Variants in ATRNL1 observed in about 807,000 individuals in gnomAD.
ATRNL1 encodes attractin-like protein 1.
A neutral mutation model predicts 182.7 loss-of-function variants in ATRNL1; 95 were observed. That is an observed-to-expected ratio of 0.52 (90% confidence interval 0.44 to 0.62). The LOEUF is 0.62. Ranked by LOEUF, ATRNL1 falls within the 20% of genes least tolerant of loss-of-function variation. ATRNL1 has a pLI of 0.00. For synonymous variants in ATRNL1, 576 were observed against 568.3 expected, an observed-to-expected ratio of 1.01 and a Z score of -0.19; for missense variants, 1,471 against 1,679.5, an observed-to-expected ratio of 0.88 and a Z score of 2.17.
At chr10:115,454,713 A>G (rs1227345747) in intron 21 of ATRNL1, among the ~76,000 whole-genome samples, 2 of 152,128 alleles carry the variant, frequency 1.3e-5, no homozygotes, top group African/African-American at 4.8e-5. Flanking sequence ...GCTAGTGTAT[A>G]GCAATGCAAC....
intron 1 of ATRNL1, among the ~76,000 whole-genome samples, chr10:115,103,040 G>GTTTTTTTTTTTTTTTTTTTTTTGTT: frequency 7.7e-6 from 1 of 130,352 alleles, no homozygotes; most frequent in Non-Finnish European, 1.6e-5. Context: ...TATTTTTAGT[G>GTTTTTTTTTTTTTTTTTTTTTTGTT]TTTTTTTTTT....
At chr10:115,927,310 G>A (rs1555120567) in intron 28 of ATRNL1, among the ~76,000 whole-genome samples, 1 of 152,062 alleles carries the variant, frequency 6.6e-6, no homozygotes, top group Non-Finnish European at 1.5e-5. Flanking sequence ...CATATTGAAT[G>A]GGCAAAACCT....
chr10:115,328,216 G>C (rs1377004390), intron 18 of ATRNL1, among the ~76,000 whole-genome samples: 3 of 151,926 alleles, frequency 2.0e-5, no homozygotes, highest in Non-Finnish European at 4.4e-5. Flanking sequence ...TGGTAATACA[G>C]AAAAATCTTA....
chr10:115,544,228 A>G (rs1346939701), intron 25 of ATRNL1, among the ~76,000 whole-genome samples: 2 of 152,212 alleles, frequency 1.3e-5, no homozygotes, highest in Non-Finnish European at 2.9e-5. Flanking sequence ...TGGAATACAC[A>G]AACCTACAAA....
intron 27 of ATRNL1, among the ~76,000 whole-genome samples, chr10:115,774,566 T>C (rs1949076012): frequency 6.6e-6 from 1 of 152,124 alleles, no homozygotes; most frequent in South Asian, 2.1e-4. Flanking sequence ...AAAACACTTC[T>C]GGGTAGAAGA....
At chr10:115,222,364 A>C (rs530657165) in intron 9 of ATRNL1, among the ~76,000 whole-genome samples, 1 of 152,328 alleles carries the variant, frequency 6.6e-6, no homozygotes, top group Admixed American at 6.5e-5. Context: ...AATCCTAAAA[A>C]GAGAAGAGTG....
intron 26 of ATRNL1, among the ~76,000 whole-genome samples, chr10:115,553,745 ATACCTGTTT>A (rs1232510737): frequency 6.6e-6 from 1 of 151,508 alleles, no homozygotes; most frequent in Admixed American, 6.6e-5. Flanking sequence ...CTTTCCTTCT[ATACCTGTTT>A]TACTGGTACA....
At chr10:115,314,144 C>T (rs1421343126) in intron 17 of ATRNL1, among the ~76,000 whole-genome samples, 1 of 152,108 alleles carries the variant, frequency 6.6e-6, no homozygotes. Flanking sequence ...ACAAATTTAA[C>T]ATTAGCCACT....
intron 10 of ATRNL1, among the ~76,000 whole-genome samples, chr10:115,258,493 T>C (rs576043340): frequency 6.6e-6 from 1 of 152,290 alleles, no homozygotes; most frequent in African/African-American, 2.4e-5. Context: ...CTACACTGTT[T>C]ATCCTAGTTA....
intron 14 of ATRNL1, among the ~76,000 whole-genome samples, chr10:115,284,367 A>G (rs1852509065): frequency 6.6e-6 from 1 of 152,168 alleles, no homozygotes; most frequent in Non-Finnish European, 1.5e-5. Context: ...GTAAGGTGAG[A>G]AAAAACCGTA....
chr10:115,835,903 G>C (rs905229014), intron 27 of ATRNL1, among the ~76,000 whole-genome samples: 20 of 152,124 alleles, frequency 1.3e-4, no homozygotes, highest in African/African-American at 4.6e-4. Context: ...ACCCACTCAG[G>C]CAGAGGCTGC....
At chr10:115,589,228 T>A (rs1455553040) in intron 26 of ATRNL1, among the ~76,000 whole-genome samples, 1 of 152,206 alleles carries the variant, frequency 6.6e-6, no homozygotes, top group Non-Finnish European at 1.5e-5. Context: ...AAACATTAAC[T>A]TCTGCCAGTA....
intron 13 of ATRNL1, among the ~76,000 whole-genome samples, chr10:115,269,131 G>A (rs1193230916): frequency 2.0e-5 from 3 of 151,962 alleles, no homozygotes; most frequent in Non-Finnish European, 4.4e-5. Context: ...TTGTTTATTT[G>A]TTTATTTGTT....
At chr10:115,355,002 T>C (rs1162859953) in intron 19 of ATRNL1, among the ~76,000 whole-genome samples, 2 of 152,126 alleles carry the variant, frequency 1.3e-5, no homozygotes, top group African/African-American at 4.8e-5. Context: ...TCAGCTCGAG[T>C]GATTTTTTAT....
chr10:115,434,080 T>C (rs1554964441), intron 21 of ATRNL1, among the ~76,000 whole-genome samples: 2 of 152,158 alleles, frequency 1.3e-5, no homozygotes, highest in Admixed American at 6.5e-5. Context: ...TGTAAAATGT[T>C]GAATGGTCTA....
chr10:115,224,818 G>C (rs1849628349), intron 9 of ATRNL1, among the ~76,000 whole-genome samples: 1 of 152,034 alleles, frequency 6.6e-6, no homozygotes, highest in Non-Finnish European at 1.5e-5. Context: ...CAAATAACTA[G>C]AATTTTTAAT....
rs1851627408 is a variant in ATRNL1, at chr10:115,266,811, T to C, written c.1787T>C (p.Phe596Ser). ...AVVINGSMYI[F>S]GGFSSVLLND... ...GTTTTTAATAGGTCCATGTATATAT[T>C]TGGGGGATTTTCTAGTGTACTCCTT... The change falls in exon 12 of 29, where the codon TTT (phenylalanine) becomes TCT (serine). Residue 596 changes from phenylalanine to serine, a missense_variant. Around this residue, in one of 3 missense-constraint regions of ATRNL1, gnomAD observed 1,031 missense variants for 1,156.0 expected, o/e 0.89. Coordinates refer to ENST00000355044, the MANE Select transcript of ATRNL1 (RefSeq NM_207303.4). The C allele has an allele frequency of 6.2e-7, 1 of 1,605,196 alleles. No homozygotes were observed. The highest frequency in any genetic ancestry group is 8.5e-7 in the Non-Finnish European group (1 of 1,174,034).
Position 115,286,290 on chromosome 10 carries a change from G to T in ATRNL1, c.2308G>T (p.Asp770Tyr). The part of the protein sequence containing the change: ...LRVNSSRENY[D>Y]NAKLYCYNLS... The stretch of plus-strand genomic sequence containing the variant: ...AGTCAATTCCAGTAGAGAAAACTAT[G>T]ACAATGCAAAACTTTATTGCTATAA... Residue 770 changes from aspartate to tyrosine, a missense_variant, in exon 15 of 29, where the codon GAC (aspartate) becomes TAC (tyrosine). Asp to Tyr is a radical substitution (Grantham distance 160). Transcript: ENST00000355044. The T allele has an allele frequency of 1.3e-6, 2 of 1,599,184 alleles. No homozygotes were observed. The highest frequency in any genetic ancestry group is 2.2e-5 in the South Asian group (2 of 90,596).
At chr10:115,530,041 G>A (rs1482431668) in intron 25 of ATRNL1, among the ~76,000 whole-genome samples, 4 of 152,122 alleles carry the variant, frequency 2.6e-5, no homozygotes, top group African/African-American at 4.8e-5. Flanking sequence ...TATCCGTAAC[G>A]TAGTATGGAT....
Sources: gnomAD v4.1 joint callset for allele counts (sites outside exome capture counted in the v4.1 genomes callset) on GRCh38, gnomAD v4.1.1 for gene constraint, gnomAD v4.1.1 regional missense constraint, MANE v1.5 for transcripts, NCBI Gene and HGNC (gene_info 2026-07-23, HGNC 2026-07-21) for gene names.